The following CRNKL1 variants were observed in gnomAD, a reference collection of about 807,000 sequenced individuals.
The protein encoded by CRNKL1 is crooked neck-like protein 1.
In CRNKL1, 35 loss-of-function variants were observed where a neutral mutation model predicts 103.7. That is an observed-to-expected ratio of 0.34 (90% CI 0.26 to 0.45). The LOEUF is 0.45. CRNKL1 is among the 20% of genes least tolerant of loss of function. CRNKL1 has a pLI of 1.00. For missense variants in CRNKL1, 645 were observed against 836.0 expected (o/e 0.77, Z 2.82); for synonymous variants, 267 against 282.6 (o/e 0.94, Z 0.55).
chr20:20,043,420 T>C, intron 7 of CRNKL1, 72 bp downstream of exon 7: 1 of 1,416,638 alleles, frequency 7.1e-7, no homozygotes. Context: ...CTATTATTCA[T>C]TTTAGTGTTG....
intron 11 of CRNKL1, 74 bp from the exon 12 acceptor site, chr20:20,038,524 G>GTATC: frequency 1.2e-6 from 1 of 802,152 alleles, no homozygotes; most frequent in Non-Finnish European, 2.1e-6. Context: ...CACAGCTGAA[G>GTATC]TATCACTCTA....
intron 13 of CRNKL1, among the ~76,000 whole-genome samples, chr20:20,036,978 C>T (rs984825703): frequency 3.3e-5 from 5 of 152,190 alleles, no homozygotes; most frequent in Middle Eastern, 3.2e-3. Flanking sequence ...TCCTTCTTAC[C>T]GCCTACAAGC....
At chr20:20,054,736 T>A (rs947369137), upstream of CRNKL1, among the ~76,000 whole-genome samples, 10 of 152,254 alleles carry the variant, frequency 6.6e-5, no homozygotes, top group Non-Finnish European at 1.2e-4. Flanking sequence ...ATGTTGCTCA[T>A]GAGAAATATT....
intron 11 of CRNKL1, 41 bp downstream of exon 11, chr20:20,039,568 A>T: frequency 5.0e-6 from 8 of 1,609,912 alleles, no homozygotes; most frequent in Non-Finnish European, 6.8e-6. Flanking sequence ...AAGACTAAAC[A>T]CGTATCTCAA....
rs547965119 is a variant in CRNKL1 at position 20,045,181 on chromosome 20, G to A, written c.801+127C>T. 6.5e-4 allele frequency: 485 copies of A among 743,342 alleles called. 3 individuals are homozygous for A. Among genetic ancestry groups the A allele is most frequent in the Admixed American group, 1.3e-3 (45 of 35,336 alleles). 46.0% of individuals were successfully genotyped at this position (743,342 alleles called of 1,614,324 possible). On this transcript the variant is annotated intron_variant, in intron 6 of 13. Transcript: ENST00000536226. ...TATGCTGTTCTCTGTGAGAAGCTGT[G>A]TTTTTGTATTTTGAAAACATCTTTC...
In CRNKL1 at chr20:20,034,801, A is replaced by ATTTAT; in HGVS notation, c.*1389_*1393dup. On this transcript the variant is annotated 3_prime_UTR_variant, in exon 14 of 14. Transcript: ENST00000536226. ...GTTTCTTCTGTCCTCAAACACTGTT[A>ATTTAT]TTTATTTTCAAGATAAAATTTAGTA... 6.6e-6 allele frequency: 1 copy of ATTTAT among 152,354 alleles called. No homozygotes were observed. Among genetic ancestry groups the ATTTAT allele is most frequent in the South Asian group, 2.1e-4 (1 of 4,828 alleles). 9.4% of individuals were successfully genotyped at this position (152,354 alleles called of 1,614,324 possible).
intron 13 of CRNKL1, 38 bp downstream of exon 13, chr20:20,037,285 G>A: frequency 6.3e-7 from 1 of 1,593,856 alleles, no homozygotes; most frequent in Non-Finnish European, 8.5e-7. Flanking sequence ...TTCTACTCAT[G>A]TGACGTGAGA....
In CRNKL1 at chr20:20,043,597, T is replaced by C. The variant is rs967931484; in HGVS notation, c.867A>G (p.Glu289=). ...LDRISKQDAQ[E]LFKNYTIFEK... ...CAAAGATGGTATAATTTTTAAAGAG[T>C]TCTTGGGCATCTTGTTTTGAAATTC... The change falls in exon 7 of 14, where the codon GAA becomes GAG. Residue 289 remains glutamate (E), a synonymous_variant. Coordinates refer to ENST00000536226, the MANE Select transcript of CRNKL1 (RefSeq NM_001278628.2). 2 of 1,613,924 alleles carry C rather than the reference T, an allele frequency of 1.2e-6. No individual in the cohort carries two copies. Among genetic ancestry groups the C allele is most frequent in the African/African-American group, 1.3e-5 (1 of 74,900 alleles).
At chr20:20,045,564 A>C in intron 5 of CRNKL1, 78 bp from the exon 6 acceptor site, 1 of 1,324,294 alleles carries the variant, frequency 7.6e-7, no homozygotes, top group Non-Finnish European at 1.0e-6. Flanking sequence ...CCAAAACCAT[A>C]CCAAAGCCTG....
chr20:20,041,694 A>G (rs2043517091), intron 8 of CRNKL1, 69 bp from the exon 9 acceptor site: 2 of 1,128,848 alleles, frequency 1.8e-6, no homozygotes, highest in Non-Finnish European at 2.7e-6. Context: ...ACTAGTTACT[A>G]ATTTTACTGA....
upstream of CRNKL1, among the ~76,000 whole-genome samples, chr20:20,053,693 G>T (rs2043966714): frequency 6.6e-6 from 1 of 152,086 alleles, no homozygotes; most frequent in African/African-American, 2.4e-5. Flanking sequence ...CAATGTATTT[G>T]CCATAACTCT....
At chr20:20,052,605 T>G (rs2043812054), upstream of CRNKL1, 1 of 1,613,682 alleles carries the variant, frequency 6.2e-7, no homozygotes, top group South Asian at 1.1e-5. Context: ...GGTAACGCCG[T>G]GCTGACTAGC....
rs2043480194 is a variant in CRNKL1, at chr20:20,039,640, G to A, written c.1514C>T (p.Ala505Val). The A allele has an allele frequency of 6.2e-7, 1 of 1,614,178 alleles. No homozygotes were observed. Among genetic ancestry groups the A allele is most frequent in the South Asian group, 1.1e-5 (1 of 91,082 alleles). ...CATGTCTAAACGTGGCTGACTGATG[G>A]CTAATTCATAGATTGCCCGTGCTCT... ...IDRARAIYELAISQPRLDMPE... is the reference protein window; with the variant it reads ...IDRARAIYELVISQPRLDMPE... The change falls in exon 11 of 14, where the codon GCC (alanine) becomes GTC (valine). Residue 505 changes from alanine (A) to valine (V), a missense_variant. Ala to Val is a moderately conservative substitution (Grantham distance 64). Around this residue, in one of 2 missense-constraint regions of CRNKL1, gnomAD observed 582 missense variants for 707.7 expected, o/e 0.82. Coordinates refer to ENST00000536226, the MANE Select transcript of CRNKL1 (RefSeq NM_001278628.2).
rs113169937 is a variant in CRNKL1 at position 20,038,272 on chromosome 20, A to G, written c.1647+77T>C. 3.5e-4 allele frequency: 322 copies of G among 907,054 alleles called. No individual in the cohort carries two copies. In the African/African-American group the frequency reaches 4.7e-3, roughly 13 times the overall value. The allele number at this position is 907,054 out of a possible 1,614,324, so 56.2% of individuals were successfully genotyped here. On this transcript the variant is annotated intron_variant, in intron 12 of 13. Coordinates refer to ENST00000536226, the MANE Select transcript of CRNKL1 (RefSeq NM_001278628.2). ...AAAAAAAACAAAAACCCAAACACTT[A>G]AAATACAGAAATATATCATTTTCTT...
intron 5 of CRNKL1, 86 bp from the exon 6 acceptor site, chr20:20,045,572 C>T: frequency 8.1e-7 from 1 of 1,230,262 alleles, no homozygotes; most frequent in Non-Finnish European, 1.1e-6. Flanking sequence ...ATACCAAAGC[C>T]TGGAAACTCC....
intron 2 of CRNKL1, 75 bp from the exon 3 acceptor site, chr20:20,049,506 C>T (rs1005819416): frequency 3.1e-5 from 23 of 735,544 alleles, no homozygotes; most frequent in Non-Finnish European, 5.1e-5. Flanking sequence ...TATTTTAAGT[C>T]TTGTACTAAA....
chr20:20,039,535 AC>A (rs1212373311), intron 11 of CRNKL1, 73 bp downstream of exon 11: 1 of 1,517,404 alleles, frequency 6.6e-7, no homozygotes, highest in African/African-American at 1.4e-5. Flanking sequence ...AAATACACCC[AC>A]ATTTAGATGG....
chr20:20,048,037 T>C (rs760419528), intron 4 of CRNKL1, 106 bp from the exon 5 acceptor site: 60 of 1,328,110 alleles, frequency 4.5e-5, no homozygotes, highest in Non-Finnish European at 5.9e-5. Context: ...ATCAAACATG[T>C]TTTGTCATTT....
chr20:20,040,083 A>C (rs569090558), intron 10 of CRNKL1, among the ~76,000 whole-genome samples: 9 of 152,322 alleles, frequency 5.9e-5, no homozygotes, highest in African/African-American at 2.2e-4. Flanking sequence ...TGGGCAACTA[A>C]ATAAAATAAG....
Sources: gnomAD v4.1 joint callset for allele counts (sites outside exome capture counted in the v4.1 genomes callset) on GRCh38, gnomAD v4.1.1 for gene constraint, gnomAD v4.1.1 regional missense constraint, MANE v1.5 for transcripts, NCBI Gene and HGNC (gene_info 2026-07-23, HGNC 2026-07-21) for gene names.